Variants in NTRK3 observed in about 807,000 individuals in gnomAD.
The protein encoded by NTRK3 is neurotrophic receptor tyrosine kinase 3.
In NTRK3, 24 loss-of-function variants were observed where a neutral mutation model predicts 91.7. That is an observed-to-expected ratio of 0.26 (90% CI 0.19 to 0.37). NTRK3 has a LOEUF of 0.37. Among genes scored for constraint, NTRK3 ranks in the 10% least tolerant of loss-of-function variants. NTRK3 has a pLI of 1.00. For missense variants in NTRK3, 880 were observed against 1,068.9 expected, an observed-to-expected ratio of 0.82 and a Z score of 2.46; for synonymous variants, 483 against 404.0, an observed-to-expected ratio of 1.20 and a Z score of -2.34.
chr15:88,001,437 C>G (rs1280324092), intron 14 of NTRK3, among the ~76,000 whole-genome samples: 2 of 151,974 alleles, frequency 1.3e-5, no homozygotes, highest in Non-Finnish European at 2.9e-5. Context: ...GAAACTTGCA[C>G]CTAAGTTTTC....
intron 3 of NTRK3, among the ~76,000 whole-genome samples, chr15:88,232,594 C>A (rs1360505281): frequency 6.6e-6 from 1 of 152,074 alleles, no homozygotes; most frequent in Non-Finnish European, 1.5e-5. Flanking sequence ...GGCAATTGGC[C>A]CTCTAGACAC....
At position 88,011,210 on chromosome 15, in the gene NTRK3, C is replaced by T. The variant is rs377680401; in HGVS notation, c.1585+21647G>A. Among the ~76,000 whole-genome samples the T allele has an allele frequency of 1.1e-4, 17 of 152,306 alleles. No individual in the cohort carries two copies. The East Asian group carries it at 2.3e-3, about 21-fold the overall frequency. On this transcript the variant is annotated intron_variant, in intron 14 of 18. Transcript: ENST00000394480. ...AGTGTCCCCAGAAAACACCTCCACA[C>T]CTTTGTATCTGTTGTTCCCTCCACC...
chr15:88,163,328 C>CCTTGACATT (rs1272028797), intron 5 of NTRK3, among the ~76,000 whole-genome samples: 1 of 152,208 alleles, frequency 6.6e-6, no homozygotes, highest in African/African-American at 2.4e-5. Flanking sequence ...GGGCAGTTGT[C>CCTTGACATT]CTTGACATTC....
At chr15:88,109,646 G>A (rs546271133) in intron 13 of NTRK3, among the ~76,000 whole-genome samples, 28 of 152,182 alleles carry the variant, frequency 1.8e-4, no homozygotes, top group Non-Finnish European at 3.7e-4. Flanking sequence ...GCTGGGCGGG[G>A]GGCGTTGGGA....
chr15:87,944,625 G>A (rs776266295), intron 14 of NTRK3, among the ~76,000 whole-genome samples: 3 of 152,094 alleles, frequency 2.0e-5, no homozygotes, highest in South Asian at 2.1e-4. Context: ...CCAGCTTTAC[G>A]GCCACTAAAA....
intron 13 of NTRK3, among the ~76,000 whole-genome samples, chr15:88,088,825 G>T (rs938444714): frequency 6.6e-6 from 1 of 152,050 alleles, no homozygotes; most frequent in Non-Finnish European, 1.5e-5. Flanking sequence ...TATTACACAG[G>T]GCTCATTCCT....
chr15:88,059,146 G>A (rs2045983358), intron 13 of NTRK3, among the ~76,000 whole-genome samples: 1 of 152,058 alleles, frequency 6.6e-6, no homozygotes, highest in African/African-American at 2.4e-5. Flanking sequence ...GCAATGGCAA[G>A]CAGAGGGCAG....
At chr15:88,068,552 G>A (rs1265536078) in intron 13 of NTRK3, among the ~76,000 whole-genome samples, 1 of 152,222 alleles carries the variant, frequency 6.6e-6, no homozygotes, top group Admixed American at 6.5e-5. Flanking sequence ...TATTAACTGA[G>A]ACTTTAAAAG....
chr15:87,875,654 G>C (rs776202049), exon 19 of NTRK3: 1 of 232,644 alleles, frequency 4.3e-6, no homozygotes, highest in Non-Finnish European at 8.5e-6. Context: ...GGAAACGTGA[G>C]GAGAATGCCA....
At position 87,909,098 on chromosome 15, in the gene NTRK3, C is replaced by A. The variant is rs188286310; in HGVS notation, c.2133+20093G>T. On this transcript the variant is annotated intron_variant, in intron 17 of 18. Coordinates refer to ENST00000394480, the Ensembl canonical transcript of NTRK3. ...ATTCACCACTGCTTTTAGGGCTACCCAGATTCCCTCTCCTTTCCTTCCTGA... is the reference window on the plus strand; with the variant it reads ...ATTCACCACTGCTTTTAGGGCTACCAAGATTCCCTCTCCTTTCCTTCCTGA... 1.1e-3 allele frequency among the ~76,000 whole-genome samples: 173 copies of A among 152,250 alleles called. 1 individual carries two copies. The highest frequency in any genetic ancestry group is 1.8e-3 in the Non-Finnish European group (122 of 68,008).
chr15:88,142,935 C>T (rs1160718529), intron 6 of NTRK3, among the ~76,000 whole-genome samples: 1 of 152,098 alleles, frequency 6.6e-6, no homozygotes, highest in Non-Finnish European at 1.5e-5. Context: ...AAAAGAAATA[C>T]TAGGCGCAGT....
At chr15:88,118,668 T>C (rs1209495772) in intron 13 of NTRK3, among the ~76,000 whole-genome samples, 1 of 152,230 alleles carries the variant, frequency 6.6e-6, no homozygotes, top group Non-Finnish European at 1.5e-5. Context: ...CATCTTCTGT[T>C]ATAGTTTCCT....
At chr15:88,045,179 T>C (rs1327557418) in intron 13 of NTRK3, among the ~76,000 whole-genome samples, 3 of 152,226 alleles carry the variant, frequency 2.0e-5, no homozygotes, top group African/African-American at 7.2e-5. Flanking sequence ...CAAGGATATC[T>C]TGTGGACAAG....
intron 13 of NTRK3, among the ~76,000 whole-genome samples, chr15:88,108,557 A>G (rs889903400): frequency 8.5e-5 from 13 of 152,236 alleles, no homozygotes; most frequent in Non-Finnish European, 1.6e-4. Flanking sequence ...TACAACTGAA[A>G]GGGACCTTGG....
intron 17 of NTRK3, among the ~76,000 whole-genome samples, chr15:87,886,913 T>C (rs1183606435): frequency 2.0e-5 from 3 of 151,860 alleles, no homozygotes; most frequent in East Asian, 1.9e-4. Flanking sequence ...AGAAAAATTA[T>C]GTTTGTGATA....
intron 13 of NTRK3, among the ~76,000 whole-genome samples, chr15:88,058,475 T>C (rs2045922270): frequency 6.6e-6 from 1 of 152,206 alleles, no homozygotes; most frequent in African/African-American, 2.4e-5. Context: ...TTAGTGCAAG[T>C]CCTAGGTCAA....
At chr15:87,866,815 T>C (rs929289357) in exon 19 of NTRK3, 5 of 199,570 alleles carry the variant, frequency 2.5e-5, no homozygotes, top group South Asian at 1.9e-4. Flanking sequence ...GGCTTTTTTT[T>C]CCCCCTCAAG....
chr15:88,031,831 G>A (rs950212284), intron 14 of NTRK3, among the ~76,000 whole-genome samples: 6 of 152,160 alleles, frequency 3.9e-5, no homozygotes, highest in Admixed American at 6.5e-5. Context: ...CAAGTACAGA[G>A]AGCTCTGCCC....
intron 5 of NTRK3, among the ~76,000 whole-genome samples, chr15:88,156,555 T>C (rs1206063498): frequency 2.0e-5 from 3 of 151,630 alleles, no homozygotes; most frequent in Non-Finnish European, 2.9e-5. Flanking sequence ...GCTAGCTCCC[T>C]GGCACTTCTC....
Sources: gnomAD v4.1 joint callset for allele counts (sites outside exome capture counted in the v4.1 genomes callset) on GRCh38, gnomAD v4.1.1 for gene constraint, MANE v1.5 for transcripts, NCBI Gene and HGNC (gene_info 2026-07-23, HGNC 2026-07-21) for gene names.